PRKN: variants seen among roughly 807,000 people sequenced by gnomAD.
PRKN encodes the protein E3 ubiquitin-protein ligase parkin.
In PRKN, 56 loss-of-function variants were observed where a neutral mutation model predicts 59.5. The observed-to-expected ratio is 0.94, with a 90% CI of 0.76 to 1.18. The LOEUF (loss-of-function observed/expected upper bound fraction) is 1.18. Among genes scored for constraint, PRKN ranks in the 50% most tolerant of loss-of-function variants. The probability of loss-of-function intolerance (pLI) is 0.00; values close to 1 mark genes in which losing one functional copy is unlikely to be tolerated. For missense variants in PRKN, 657 were observed against 596.4 expected, an observed-to-expected ratio of 1.10 and a Z score of -1.06; for synonymous variants, 250 against 222.1, an observed-to-expected ratio of 1.13 and a Z score of -1.12.
chr6:161,414,740 G>T lies in PRKN; in HGVS notation c.1084-27863C>A, dbSNP rs1372553366. 3.9e-5 allele frequency among the ~76,000 whole-genome samples: 6 copies of T among 152,158 alleles called. No individual in the cohort carries two copies. The highest frequency in any genetic ancestry group is 1.4e-4 in the African/African-American group (6 of 41,426). ...CCCCAAAGTGCAAAAGGCATGAAAG[G>T]CACATTATGCTTCTCCACCAGAGGA... On this transcript the variant is annotated intron_variant, in intron 9 of 11. Coordinates refer to ENST00000366898, the MANE Select transcript of PRKN (RefSeq NM_004562.3). The surrounding 1 kb of genome is among the most constrained non-coding windows in gnomAD (Gnocchi z 5.3).
intron 2 of PRKN, among the ~76,000 whole-genome samples, chr6:162,407,245 A>C (rs1273450492): frequency 6.6e-6 from 1 of 152,158 alleles, no homozygotes; most frequent in Admixed American, 6.5e-5. Flanking sequence ...CTGAAGCTTC[A>C]GCTAAATAAT....
chr6:161,474,898 G>A (rs1462733064), intron 9 of PRKN, among the ~76,000 whole-genome samples: 2 of 148,786 alleles, frequency 1.3e-5, no homozygotes, highest in Non-Finnish European at 3.0e-5. Flanking sequence ...CACCACGCCC[G>A]GCCCACTATT....
chr6:162,417,147 T>G (rs1479837079), intron 2 of PRKN, among the ~76,000 whole-genome samples: 1 of 152,186 alleles, frequency 6.6e-6, no homozygotes, highest in Non-Finnish European at 1.5e-5. Flanking sequence ...AGTTTTTATT[T>G]TTTATTTTCA....
At chr6:162,513,547 GAC>G (rs1162345294) in intron 1 of PRKN, among the ~76,000 whole-genome samples, 1 of 151,876 alleles carries the variant, frequency 6.6e-6, no homozygotes, top group Non-Finnish European at 1.5e-5. Context: ...GGAAGAGAGA[GAC>G]AGAGAAAGAA....
At chr6:161,830,155 A>C (rs6455780) in intron 6 of PRKN, among the ~76,000 whole-genome samples, 8,984 of 152,170 alleles carry the variant, frequency 0.059, 898 homozygotes, top group African/African-American at 0.21. Context: ...CATGCCCCAC[A>C]GTTAAGGACT....
At chr6:162,114,579 T>A (rs1780585143) in intron 4 of PRKN, among the ~76,000 whole-genome samples, 1 of 152,100 alleles carries the variant, frequency 6.6e-6, no homozygotes, top group African/African-American at 2.4e-5. Context: ...TCCTGAATAT[T>A]TTCACAACCT....
chr6:162,316,089 G>T (rs1240339256), intron 2 of PRKN, among the ~76,000 whole-genome samples: 2 of 152,050 alleles, frequency 1.3e-5, no homozygotes, highest in African/African-American at 2.4e-5. Flanking sequence ...GGTGATAGAA[G>T]TATTCCAAGG....
At chr6:161,727,852 G>A (rs573145222) in intron 7 of PRKN, among the ~76,000 whole-genome samples, 10 of 152,254 alleles carry the variant, frequency 6.6e-5, no homozygotes, top group Admixed American at 3.9e-4. Flanking sequence ...ATTTATTGCC[G>A]TGTATTCCTA....
In PRKN at chr6:161,925,508, T is replaced by C. The variant is rs528080608; in HGVS notation, c.734+47794A>G. Among the ~76,000 whole-genome samples the C allele has an allele frequency of 2.6e-4, 40 of 152,056 alleles. 3 individuals are homozygous for C. The South Asian group carries it at 8.3e-3, about 32-fold the overall frequency. On this transcript the variant is annotated intron_variant, in intron 6 of 11. Coordinates refer to ENST00000366898, the MANE Select transcript of PRKN (RefSeq NM_004562.3). ...ATCGCTTGAGCCCGGGAGGTGGAGG[T>C]TGCAGCGAGCTGAGATCGTGCCACT...
chr6:162,375,848 A>T (rs11758854), intron 2 of PRKN, among the ~76,000 whole-genome samples: 38,830 of 151,652 alleles, frequency 0.26, 5,134 homozygotes, highest in African/African-American at 0.27. Flanking sequence ...AAGTAAATAT[A>T]CTTTTCACTG....
chr6:162,126,976 CAT>C (rs1781151430), intron 4 of PRKN, among the ~76,000 whole-genome samples: 1 of 152,176 alleles, frequency 6.6e-6, no homozygotes, highest in Non-Finnish European at 1.5e-5. Context: ...TGTGACATAA[CAT>C]GTTTAATAAC....
intron 6 of PRKN, among the ~76,000 whole-genome samples, chr6:161,964,143 G>A (rs1211205062): frequency 6.6e-6 from 1 of 152,086 alleles, no homozygotes; most frequent in African/African-American, 2.4e-5. Flanking sequence ...GAATAGCAAT[G>A]CAAGCCATGT....
rs1405421647 is a variant in PRKN at position 162,357,055 on chromosome 6, T to C, written c.171+86255A>G. ...AACAAATAAGATCATCTAGATGACC[T>C]TGGGTTTGCTGGTGATTTTTTACAT... is the stretch of plus-strand genomic sequence containing the variant. On this transcript the variant is annotated intron_variant, in intron 2 of 11. Coordinates refer to ENST00000366898, the MANE Select transcript of PRKN (RefSeq NM_004562.3). Among the ~76,000 whole-genome samples the C allele has an allele frequency of 2.0e-5, 3 of 152,152 alleles. No homozygotes were observed. The East Asian group carries it at 5.8e-4, about 29-fold the overall frequency.
chr6:161,603,333 T>C (rs559032010), intron 7 of PRKN, among the ~76,000 whole-genome samples: 8 of 152,234 alleles, frequency 5.3e-5, no homozygotes, highest in African/African-American at 1.4e-4. Context: ...GCAGTCAACT[T>C]GGAATTAGTT....
intron 5 of PRKN, among the ~76,000 whole-genome samples, chr6:162,012,382 G>T (rs908262732): frequency 1.1e-4 from 16 of 151,832 alleles, no homozygotes; most frequent in African/African-American, 3.9e-4. Context: ...ACTAAAACAA[G>T]TAAATGCAAA....
chr6:161,783,590 C>T (rs980777153), intron 7 of PRKN: 2 of 484,094 alleles, frequency 4.1e-6, no homozygotes, highest in Non-Finnish European at 7.9e-6. Context: ...TCAAAATGAA[C>T]TGATAACTAA....
intron 5 of PRKN, among the ~76,000 whole-genome samples, chr6:161,992,403 A>G (rs1334802663): frequency 6.6e-6 from 1 of 152,198 alleles, no homozygotes; most frequent in Non-Finnish European, 1.5e-5. Flanking sequence ...ATTCAGCAAA[A>G]GGATGTAACA....
In PRKN at chr6:161,712,397, G is replaced by A. The variant is rs530997212; in HGVS notation, c.871+73375C>T. Among the ~76,000 whole-genome samples the A allele has an allele frequency of 7.2e-5, 11 of 152,224 alleles. No homozygotes were observed. The South Asian group carries it at 8.3e-4, about 11-fold the overall frequency. ...TCTGTAACACATAAGGATACATTCC[G>A]TATCTTAGCTCTTAATACTCCTCAA... is the stretch of plus-strand genomic sequence containing the variant. On this transcript the variant is annotated intron_variant, in intron 7 of 11. Coordinates refer to ENST00000366898, the MANE Select transcript of PRKN (RefSeq NM_004562.3).
rs1779155707 is a variant in PRKN at position 162,547,180 on chromosome 6, T to C, written c.8-103707A>G. Among the ~76,000 whole-genome samples the C allele has an allele frequency of 2.6e-5, 4 of 152,112 alleles. No individual in the cohort carries two copies. The South Asian group carries it at 8.3e-4, about 31-fold the overall frequency. Reference sequence around the variant, plus strand: ...CCTATTATGTTTCTGGTACACATCATTACAGAATTTTTCCCCATCTACTTC... The same window carrying C: ...CCTATTATGTTTCTGGTACACATCACTACAGAATTTTTCCCCATCTACTTC... On this transcript the variant is annotated intron_variant, in intron 1 of 11. Transcript: ENST00000366898.
Sources: gnomAD v4.1 joint callset for allele counts (sites outside exome capture counted in the v4.1 genomes callset) on GRCh38, gnomAD v4.1.1 for gene constraint, Gnocchi (gnomAD v3.1) non-coding constraint, MANE v1.5 for transcripts, NCBI Gene and HGNC (gene_info 2026-07-23, HGNC 2026-07-21) for gene names.